The following POLN variants were observed in gnomAD, a reference collection of about 807,000 sequenced individuals.
POLN encodes the protein DNA polymerase nu, also known as DNA polymerase N.
A neutral mutation model predicts 113.5 loss-of-function variants in POLN; 108 were observed. That is an observed-to-expected ratio of 0.95 (90% CI 0.81 to 1.12). The LOEUF (loss-of-function observed/expected upper bound fraction) is 1.12, where lower values mean the gene tolerates loss of function less well. Among genes scored for constraint, POLN ranks in the 50% most tolerant of loss-of-function variants. POLN has a pLI of 0.00. For synonymous variants in POLN, 386 were observed against 391.5 expected (o/e 0.99, Z 0.17); for missense variants, 1,097 against 1,077.1 (o/e 1.02, Z -0.26).
At chr4:2,147,386 A>G (rs1732170069) in intron 16 of POLN, among the ~76,000 whole-genome samples, 1 of 152,208 alleles carries the variant, frequency 6.6e-6, no homozygotes, top group Non-Finnish European at 1.5e-5. Context: ...AAAAAATGAC[A>G]GTTCTAAGAG....
chr4:2,173,928 T>G, intron 11 of POLN, 27 bp downstream of exon 11: 1 of 1,609,130 alleles, frequency 6.2e-7, no homozygotes, highest in South Asian at 1.1e-5. Context: ...AGATGGCCAG[T>G]ACAAACCATC....
chr4:2,230,353 A>T (rs1179218020), intron 2 of POLN: 1 of 152,162 alleles, frequency 6.6e-6, no homozygotes, highest in South Asian at 2.1e-4. Context: ...ACACTAATTT[A>T]AACAGAATAT....
At chr4:2,090,503 G>C (rs578147653) in intron 20 of POLN, 6 of 514,726 alleles carry the variant, frequency 1.2e-5, no homozygotes, top group Admixed American at 6.2e-5. Flanking sequence ...TAAATAAACT[G>C]AGCAGCTGTT....
intron 19 of POLN, among the ~76,000 whole-genome samples, chr4:2,114,188 C>T (rs549251990): frequency 8.2e-4 from 125 of 151,926 alleles, no homozygotes; most frequent in African/African-American, 2.9e-3. Context: ...CATGAGCCAC[C>T]GTGCCCAGCC....
intron 20 of POLN, chr4:2,089,609 C>G: frequency 1.0e-6 from 1 of 972,242 alleles, no homozygotes; most frequent in Non-Finnish European, 1.5e-6. Flanking sequence ...AAATTATCAA[C>G]AGTCATATTT....
At chr4:2,114,551 A>C (rs1731272758) in intron 19 of POLN, among the ~76,000 whole-genome samples, 1 of 152,220 alleles carries the variant, frequency 6.6e-6, no homozygotes, top group Non-Finnish European at 1.5e-5. Context: ...ACTTGAAGGA[A>C]GTTATTCCAT....
intron 16 of POLN, among the ~76,000 whole-genome samples, chr4:2,136,634 G>A (rs1446142144): frequency 6.6e-5 from 10 of 152,256 alleles, no homozygotes. Flanking sequence ...AATCTCAGTA[G>A]CTGTTAGTGG....
intron 2 of POLN, chr4:2,238,470 G>GA (rs1414661656): frequency 3.1e-5 from 16 of 515,532 alleles, no homozygotes; most frequent in African/African-American, 6.0e-5. Context: ...TATGAAAATG[G>GA]AAAAAAAATA....
At chr4:2,223,557 C>T (rs750650462) in intron 3 of POLN, among the ~76,000 whole-genome samples, 24 of 152,178 alleles carry the variant, frequency 1.6e-4, no homozygotes, top group African/African-American at 3.4e-4. Flanking sequence ...CAGTCCCTGG[C>T]GCCAAAAGGT....
At chr4:2,163,449 G>A (rs1354377383) in intron 13 of POLN, among the ~76,000 whole-genome samples, 2 of 152,250 alleles carry the variant, frequency 1.3e-5, no homozygotes, top group Non-Finnish European at 2.9e-5. Context: ...ACTGAGTGCT[G>A]GCTGAGGGCC....
At chr4:2,223,040 G>C (rs1363345409) in intron 3 of POLN, among the ~76,000 whole-genome samples, 2 of 152,162 alleles carry the variant, frequency 1.3e-5, no homozygotes, top group African/African-American at 4.8e-5. Flanking sequence ...AAGTTTACTG[G>C]GGAGTGGCCT....
intron 19 of POLN, among the ~76,000 whole-genome samples, chr4:2,109,720 G>GGCATAACTTATCCTTTTATTTT (rs1267349817): frequency 2.6e-5 from 4 of 152,092 alleles, no homozygotes; most frequent in Admixed American, 6.5e-5. Context: ...GTGTTTGCAT[G>GGCATAACTTATCCTTTTATTTT]GCATGTTTTT....
At chr4:2,082,050 G>C (rs2108689927) in intron 21 of POLN, among the ~76,000 whole-genome samples, 1 of 150,824 alleles carries the variant, frequency 6.6e-6, no homozygotes, top group South Asian at 2.1e-4. Context: ...CTCCTTCTGG[G>C]TTTAAGCAAT....
chr4:2,095,315 C>T (rs1730759724), intron 20 of POLN, among the ~76,000 whole-genome samples: 1 of 152,172 alleles, frequency 6.6e-6, no homozygotes, highest in Admixed American at 6.5e-5. Flanking sequence ...CCTGGCCTAG[C>T]CCCGCTTTCT....
chr4:2,226,049 T>A (rs368893970), intron 3 of POLN, among the ~76,000 whole-genome samples: 3 of 151,636 alleles, frequency 2.0e-5, no homozygotes, highest in East Asian at 3.9e-4. Context: ...TCTCAGTAGG[T>A]GGTATAGCTG....
intron 16 of POLN, among the ~76,000 whole-genome samples, chr4:2,152,354 T>G (rs1732317501): frequency 6.7e-6 from 1 of 149,064 alleles, no homozygotes; most frequent in South Asian, 2.3e-4. Context: ...TTTTTTTTTT[T>G]TTTAGGAGAC....
intron 19 of POLN, among the ~76,000 whole-genome samples, chr4:2,122,149 A>T (rs1334425843): frequency 1.3e-5 from 2 of 152,138 alleles, no homozygotes; most frequent in Admixed American, 6.6e-5. Context: ...GTTCTAAGGT[A>T]GGAAATCCAG....
chr4:2,222,788 A>G (rs1452175485), intron 3 of POLN, among the ~76,000 whole-genome samples: 1 of 148,966 alleles, frequency 6.7e-6, no homozygotes, highest in Admixed American at 6.8e-5. Flanking sequence ...TACTTCTCAG[A>G]TGTGCAGTAT....
chr4:2,215,142 T>C lies in POLN; in HGVS notation c.134-2016A>G, dbSNP rs577662235. On this transcript the variant is annotated intron_variant, in intron 3 of 25. Transcript: ENST00000511885. ...GGCAAAGGACTGAAAATAAAGTAGA[T>C]ACCAATCAGAAGAAAACTGAGGAAT... Among the ~76,000 whole-genome samples the C allele has an allele frequency of 1.8e-4, 28 of 152,094 alleles. 1 individual carries two copies. In the East Asian group the frequency reaches 3.9e-3, roughly 21 times the overall value.
Sources: gnomAD v4.1 joint callset for allele counts (sites outside exome capture counted in the v4.1 genomes callset) on GRCh38, gnomAD v4.1.1 for gene constraint, MANE v1.5 for transcripts, NCBI Gene and HGNC (gene_info 2026-07-23, HGNC 2026-07-21) for gene names.